The following SFXN5 variants were observed in gnomAD, a reference collection of about 807,000 sequenced individuals.
The protein encoded by SFXN5 is sideroflexin 5.
Under a neutral mutation model 50.2 loss-of-function variants are expected in SFXN5, and 43 were observed. The ratio of observed to expected loss-of-function variants is 0.86; its 90% CI spans 0.67 to 1.11. The LOEUF (loss-of-function observed/expected upper bound fraction) is 1.11, where lower values mean the gene tolerates loss of function less well. SFXN5 is among the 50% of genes least tolerant of loss of function. The probability of loss-of-function intolerance (pLI) is 0.00; values close to 1 mark genes in which losing one functional copy is unlikely to be tolerated. For missense variants in SFXN5, 463 were observed against 454.1 expected, an observed-to-expected ratio of 1.02 and a Z score of -0.18; for synonymous variants, 203 against 185.8, an observed-to-expected ratio of 1.09 and a Z score of -0.75.
chr2:73,012,649 AACACACACACACACACACACAC>A lies in SFXN5; in HGVS notation c.357+7568_357+7589del, dbSNP rs57635824. On this transcript the variant is annotated intron_variant, in intron 6 of 13. Transcript: ENST00000272433. ...GTTCTAAAGGGTATTCTAGCCAAAC[AACACACACACACACACACACAC>A]ACACACACACACACACACACACACA... is the stretch of plus-strand genomic sequence containing the variant. 1.9e-3 allele frequency among the ~76,000 whole-genome samples: 239 copies of A among 125,920 alleles called. 2 individuals are homozygous for A. The highest frequency in any genetic ancestry group is 0.011 in the South Asian group (37 of 3,282). The allele number at this position is 125,920 out of a possible 152,430, so 82.6% of individuals were successfully genotyped here. A position where few individuals can be genotyped will look rare whatever the true frequency, so the allele number is the denominator to read the frequency against.
chr2:72,951,633 T>C (rs1405339313), intron 13 of SFXN5, among the ~76,000 whole-genome samples: 3 of 150,990 alleles, frequency 2.0e-5, no homozygotes, highest in South Asian at 4.2e-4. Context: ...TGCCCCATTC[T>C]TGGGGGCTTT....
chr2:73,068,804 G>A (rs1574281752), intron 1 of SFXN5, among the ~76,000 whole-genome samples: 2 of 152,068 alleles, frequency 1.3e-5, no homozygotes, highest in Admixed American at 1.3e-4. Flanking sequence ...ACCGAGAAAG[G>A]TACTTTGCAG....
Position 73,012,649 on chromosome 2 carries a change from AACACACACACACACACAC to A in SFXN5, c.357+7572_357+7589del, listed in dbSNP as rs57635824. On this transcript the variant is annotated intron_variant, in intron 6 of 13. Coordinates refer to ENST00000272433, the MANE Select transcript of SFXN5 (RefSeq NM_144579.3). ...GTTCTAAAGGGTATTCTAGCCAAAC[AACACACACACACACACAC>A]ACACACACACACACACACACACACA... Among the ~76,000 whole-genome samples, 180 of 125,920 alleles carry A rather than the reference AACACACACACACACACAC, an allele frequency of 1.4e-3. 3 individuals are homozygous for A. Among genetic ancestry groups the A allele is most frequent in the Admixed American group, 0.013 (157 of 12,316 alleles). The allele number at this position is 125,920 out of a possible 152,430, so 82.6% of individuals were successfully genotyped here.
intron 5 of SFXN5, chr2:73,020,629 G>A (rs969525909): frequency 5.0e-5 from 11 of 220,076 alleles, no homozygotes; most frequent in African/African-American, 2.3e-4. Flanking sequence ...CACTACATGA[G>A]GCTGAACATC....
At position 72,945,041 on chromosome 2, in the gene SFXN5, A is replaced by G; in HGVS notation, c.1004T>C (p.Val335Ala). Reference protein sequence around the residue: ...IAQATSSRTVVYNKGL With the variant: ...IAQATSSRTVAYNKGL ...CCACACTCACAACCCCTTGTTGTACACCACTGTCCGGCTGCTCGTGGCCTG... is the reference window on the plus strand; with the variant it reads ...CCACACTCACAACCCCTTGTTGTACGCCACTGTCCGGCTGCTCGTGGCCTG... Residue 335 changes from valine (V) to alanine (A), a missense_variant, in exon 14 of 14, where the codon GTG becomes GCG. By Grantham distance (64) the Val-to-Ala change is moderately conservative. Coordinates refer to ENST00000272433, the MANE Select transcript of SFXN5 (RefSeq NM_144579.3). This position sits in a 1 kb window ranked among gnomAD's most constrained non-coding sequence, Gnocchi z 5.8. 6.2e-7 allele frequency: 1 copy of G among 1,613,886 alleles called. No individual in the cohort carries two copies. The highest frequency in any genetic ancestry group is 8.5e-7 in the Non-Finnish European group (1 of 1,179,878).
intron 12 of SFXN5, 37 bp downstream of exon 12, chr2:72,968,411 C>G: frequency 6.3e-7 from 1 of 1,593,098 alleles, no homozygotes; most frequent in Middle Eastern, 2.2e-4. Flanking sequence ...CCCTCCTCCC[C>G]CATGGTGGCC....
intron 2 of SFXN5, among the ~76,000 whole-genome samples, chr2:73,050,053 A>G (rs1211931978): frequency 1.3e-5 from 2 of 151,626 alleles, no homozygotes; most frequent in Non-Finnish European, 2.9e-5. Flanking sequence ...CTTGAGAATC[A>G]TCTTTGATTC....
At chr2:73,035,400 T>C (rs972452623) in intron 3 of SFXN5, among the ~76,000 whole-genome samples, 8 of 152,184 alleles carry the variant, frequency 5.3e-5, no homozygotes, top group Non-Finnish European at 1.2e-4. Context: ...TTACGGTTAC[T>C]AGCTCTTCAA....
intron 12 of SFXN5, among the ~76,000 whole-genome samples, chr2:72,962,409 C>T (rs1673854338): frequency 6.6e-6 from 1 of 152,196 alleles, no homozygotes; most frequent in Admixed American, 6.5e-5. Context: ...AGCAACTGGC[C>T]CTGAGAAGAC....
chr2:72,975,003 C>T (rs969990806), intron 10 of SFXN5, among the ~76,000 whole-genome samples: 1 of 152,168 alleles, frequency 6.6e-6, no homozygotes, highest in African/African-American at 2.4e-5. Flanking sequence ...AGAAAGCTGG[C>T]ACATTTTCAA....
At chr2:73,004,315 GCACACACACACACA>G (rs59114781) in intron 6 of SFXN5, among the ~76,000 whole-genome samples, 1,617 of 115,656 alleles carry the variant, frequency 0.014, 53 homozygotes, top group Non-Finnish European at 0.012. Flanking sequence ...GAGTGCGCGC[GCACACACACACACA>G]CACACACACA....
intron 13 of SFXN5, among the ~76,000 whole-genome samples, chr2:72,952,466 C>T (rs763066681): frequency 3.9e-5 from 6 of 152,212 alleles, no homozygotes; most frequent in Non-Finnish European, 8.8e-5. Flanking sequence ...TATCCCTATG[C>T]CTTGTGCACA....
In SFXN5 at chr2:72,954,252, C is replaced by T. The variant is rs922812563; in HGVS notation, c.945+6879G>A. On this transcript the variant is annotated intron_variant, in intron 13 of 13. Transcript: ENST00000272433. ...GAGAGGGAGGGACATGGGGAGTTCCCAGGGCTGACATGGGAGGCTCAGGGC... is the reference window on the plus strand; with the variant it reads ...GAGAGGGAGGGACATGGGGAGTTCCTAGGGCTGACATGGGAGGCTCAGGGC... 5.9e-5 allele frequency among the ~76,000 whole-genome samples: 9 copies of T among 152,214 alleles called. No individual in the cohort carries two copies. In the East Asian group the frequency reaches 1.5e-3, roughly 26 times the overall value.
At chr2:72,955,451 T>G (rs1573943045) in intron 13 of SFXN5, among the ~76,000 whole-genome samples, 4 of 148,612 alleles carry the variant, frequency 2.7e-5, no homozygotes, top group East Asian at 2.0e-4. Context: ...AGGGGAAGAG[T>G]GAGGAAAAGA....
intron 13 of SFXN5, among the ~76,000 whole-genome samples, chr2:72,947,375 C>T (rs559770441): frequency 1.5e-4 from 23 of 152,328 alleles, no homozygotes; most frequent in East Asian, 7.7e-4. Context: ...GGACTGAGCC[C>T]GTGGGGATGC....
intron 1 of SFXN5, among the ~76,000 whole-genome samples, chr2:73,067,114 C>A (rs933046703): frequency 1.2e-4 from 19 of 152,002 alleles, no homozygotes; most frequent in Non-Finnish European, 2.1e-4. Context: ...TTAAACAAAT[C>A]AAAAAACCCT....
intron 13 of SFXN5, among the ~76,000 whole-genome samples, chr2:72,955,778 TG>T (rs1386937904): frequency 6.6e-6 from 1 of 152,212 alleles, no homozygotes; most frequent in African/African-American, 2.4e-5. Context: ...ATGTCTGTGT[TG>T]CAGTGGGGAG....
At chr2:73,035,822 G>A (rs565080376) in intron 3 of SFXN5, among the ~76,000 whole-genome samples, 13 of 152,120 alleles carry the variant, frequency 8.5e-5, no homozygotes, top group Non-Finnish European at 1.3e-4. Context: ...TTTAAACAAG[G>A]TAACGGTCCC....
chr2:72,988,226 C>T (rs1354598540), intron 10 of SFXN5, 32 bp downstream of exon 10: 1 of 1,596,486 alleles, frequency 6.3e-7, no homozygotes, highest in African/African-American at 1.3e-5. Context: ...CACCCACCCA[C>T]AGCACACATC....
Sources: allele counts gnomAD v4.1 joint callset (sites outside exome capture counted in the v4.1 genomes callset), GRCh38; gene constraint gnomAD v4.1.1; non-coding constraint Gnocchi (gnomAD v3.1); transcripts MANE v1.5; gene names NCBI Gene and HGNC (gene_info 2026-07-23, HGNC 2026-07-21).